Variants in CDKL5 observed in about 807,000 individuals in gnomAD.
CDKL5 encodes the protein cyclin dependent kinase like 5, also known as cyclin-dependent kinase-like 5.
A neutral mutation model predicts 61.7 loss-of-function variants in CDKL5; 8 were observed. That is an observed-to-expected ratio of 0.13 (90% confidence interval 0.08 to 0.23). CDKL5 has a LOEUF of 0.23. Ranked by LOEUF, CDKL5 falls within the 10% of genes least tolerant of loss-of-function variation. The pLI is 1.00. For synonymous variants in CDKL5, 275 were observed against 272.3 expected (o/e 1.01, Z -0.10); for missense variants, 440 against 734.5 (o/e 0.60, Z 4.63).
In CDKL5 at chrX:18,544,505, C is replaced by G. The variant is rs192400517; in HGVS notation, c.100-19972C>G. ...GTGATATTATTATATCTGATTTTCT[C>G]CGGAGGAAATTGAGGCACAGAGAAG... On this transcript the variant is annotated intron_variant, in intron 3 of 17. Transcript: ENST00000623535. Among the ~76,000 whole-genome samples, 68 of 111,461 alleles carry G rather than the reference C, an allele frequency of 6.1e-4. 1 individual carries two copies. Among genetic ancestry groups the G allele is most frequent in the African/African-American group, 2.2e-3 (66 of 30,655 alleles).
intron 1 of CDKL5, among the ~76,000 whole-genome samples, chrX:18,476,650 AGTTT>A (rs1921323999): frequency 8.9e-6 from 1 of 112,471 alleles, no homozygotes; most frequent in African/African-American, 3.2e-5. Context: ...CTTAACATCT[AGTTT>A]GTTTGATTTT....
intron 1 of CDKL5, among the ~76,000 whole-genome samples, chrX:18,456,592 A>G (rs1261287352): frequency 8.9e-6 from 1 of 111,762 alleles, no homozygotes; most frequent in African/African-American, 3.3e-5. Context: ...TATGAGGAGG[A>G]GAGATTAATT....
chrX:18,644,719 A>G, downstream of CDKL5: 2 of 929,243 alleles, frequency 2.2e-6, no homozygotes, highest in Non-Finnish European at 3.1e-6. Context: ...GCCAGCATCC[A>G]AAGAGCCCCC....
At chrX:18,652,468 A>T (rs1403880352) in intron 21 of CDKL5, among the ~76,000 whole-genome samples, 1 of 112,025 alleles carries the variant, frequency 8.9e-6, no homozygotes, top group Non-Finnish European at 1.9e-5. Context: ...CAGGAGTTCG[A>T]GACCAGCCTG....
At chrX:18,436,897 CA>C (rs60845430) in intron 1 of CDKL5, among the ~76,000 whole-genome samples, 830 of 15,779 alleles carry the variant, frequency 0.053, 6 homozygotes, top group African/African-American at 0.15. Flanking sequence ...ACTCTTGACT[CA>C]AAAAAAAAAA....
At chrX:18,510,614 TG>T (rs1442306387) in intron 2 of CDKL5, among the ~76,000 whole-genome samples, 2 of 112,660 alleles carry the variant, frequency 1.8e-5, no homozygotes, top group African/African-American at 6.4e-5. Context: ...AAATACTTGT[TG>T]GAAGAAATGA....
At chrX:18,481,499 C>T (rs1271415539) in intron 1 of CDKL5, among the ~76,000 whole-genome samples, 4 of 104,936 alleles carry the variant, frequency 3.8e-5, no homozygotes, top group African/African-American at 1.0e-4. Flanking sequence ...GCTACAGGTG[C>T]GGGCCACCAC....
chrX:18,579,061 G>T (rs770210573), intron 5 of CDKL5, among the ~76,000 whole-genome samples: 1 of 110,894 alleles, frequency 9.0e-6, no homozygotes, highest in African/African-American at 3.3e-5. Context: ...TGGGCCCTCC[G>T]CAAGATCTGA....
chrX:18,574,968 C>G (rs968539543), intron 4 of CDKL5, among the ~76,000 whole-genome samples: 1 of 111,902 alleles, frequency 8.9e-6, no homozygotes, highest in African/African-American at 3.2e-5. Flanking sequence ...CCTTATGGCC[C>G]TTTTAATCTC....
rs766883012 is a variant in CDKL5, at chrX:18,564,468, C to T, written c.100-9C>T. 6.0e-6 allele frequency: 7 copies of T among 1,164,517 alleles called. No individual in the cohort carries two copies. Among genetic ancestry groups the T allele is most frequent in the Non-Finnish European group, 8.2e-6 (7 of 857,744 alleles). On this transcript the variant is annotated splice_polypyrimidine_tract_variant and intron_variant, in intron 3 of 17. Coordinates refer to ENST00000623535, the MANE Select transcript of CDKL5 (RefSeq NM_001323289.2). ...GAATGACTTTCCTTCTGCTTCTTTT[C>T]CCTTGCAGGAAACACATGAAATTGT...
chrX:18,523,102 T>G (rs1399310067), intron 3 of CDKL5, among the ~76,000 whole-genome samples: 6 of 111,772 alleles, frequency 5.4e-5, no homozygotes, highest in African/African-American at 1.9e-4. Context: ...GGCCCCAGTT[T>G]ATTTTTTTTT....
chrX:18,511,452 A>C (rs775212035), intron 3 of CDKL5, among the ~76,000 whole-genome samples: 17 of 110,504 alleles, frequency 1.5e-4, no homozygotes, highest in Non-Finnish European at 2.8e-4. Flanking sequence ...AGTGGACAGC[A>C]TGTATGATGG....
intron 1 of CDKL5, among the ~76,000 whole-genome samples, chrX:18,486,256 A>G (rs912613287): frequency 5.4e-5 from 6 of 111,926 alleles, no homozygotes; most frequent in Non-Finnish European, 9.4e-5. Flanking sequence ...GTATTAATTC[A>G]GATATCACCT....
At chrX:18,446,033 C>A (rs1931867936) in intron 1 of CDKL5, among the ~76,000 whole-genome samples, 1 of 109,293 alleles carries the variant, frequency 9.1e-6, no homozygotes, top group South Asian at 4.0e-4. Flanking sequence ...TATTTTCTTC[C>A]TGACTGTTGA....
chrX:18,478,002 C>A (rs926478135), intron 1 of CDKL5, among the ~76,000 whole-genome samples: 1 of 111,259 alleles, frequency 9.0e-6, no homozygotes, highest in Admixed American at 9.6e-5. Context: ...GCTTTAGTGG[C>A]CCTTTAACAA....
rs1357568739 is a variant in CDKL5, at chrX:18,591,448, A to G, written c.744+3305A>G. On this transcript the variant is annotated intron_variant, in intron 9 of 17. Transcript: ENST00000623535. Reference sequence around the variant, plus strand: ...TCTCTCCATCTCTCATGCTTCTTTTACCCTTTTACCTTTACCTAACCTTTG... The same window carrying G: ...TCTCTCCATCTCTCATGCTTCTTTTGCCCTTTTACCTTTACCTAACCTTTG... Among the ~76,000 whole-genome samples, 3 of 110,502 alleles carry G rather than the reference A, an allele frequency of 2.7e-5. No homozygotes were observed. In the South Asian group the frequency reaches 1.2e-3, roughly 43 times the overall value.
chrX:18,554,310 A>T (rs1418790854), intron 3 of CDKL5, among the ~76,000 whole-genome samples: 1 of 101,890 alleles, frequency 9.8e-6, no homozygotes, highest in Non-Finnish European at 2.0e-5. Context: ...ACTTGGTGGG[A>T]CTCCGCTAAA....
In CDKL5 at chrX:18,634,890, G is replaced by A; in HGVS notation, c.*6133G>A. 1 of 750,727 alleles carries A rather than the reference G, an allele frequency of 1.3e-6. No homozygotes were observed. The highest frequency in any genetic ancestry group is 1.6e-6 in the Non-Finnish European group (1 of 638,389). The allele number at this position is 750,727 out of a possible 1,213,427, so 61.9% of individuals were successfully genotyped here. On this transcript the variant is annotated 3_prime_UTR_variant, in exon 18 of 18. Coordinates refer to ENST00000623535, the MANE Select transcript of CDKL5 (RefSeq NM_001323289.2). ...TAAGCTTGAAGGTGGTGTCTGGGAA[G>A]ACACAGGGCAGGGTGACATTTAGAC...
intron 2 of CDKL5, among the ~76,000 whole-genome samples, chrX:18,510,190 C>A (rs1324075517): frequency 9.0e-6 from 1 of 111,252 alleles, no homozygotes; most frequent in Non-Finnish European, 1.9e-5. Flanking sequence ...GAGTCTTGCT[C>A]TGTTGCCCAG....
Sources: allele counts gnomAD v4.1 joint callset (sites outside exome capture counted in the v4.1 genomes callset), GRCh38; gene constraint gnomAD v4.1.1; transcripts MANE v1.5; gene names NCBI Gene and HGNC (gene_info 2026-07-23, HGNC 2026-07-21).